DERA: variants seen among roughly 807,000 people sequenced by gnomAD.
The protein encoded by DERA is 2-deoxy-D-ribose 5-phosphate aldolase.
Under a neutral mutation model 41.1 loss-of-function variants are expected in DERA, and 15 were observed. That is an observed-to-expected ratio of 0.37 (90% confidence interval 0.24 to 0.56). The LOEUF is 0.56. Ranked by LOEUF, DERA falls within the 20% of genes least tolerant of loss-of-function variation. The pLI, the probability that DERA is intolerant of heterozygous loss-of-function variation, is 0.81. For missense variants in DERA, 396 were observed against 403.4 expected (o/e 0.98, Z 0.16); for synonymous variants, 139 against 137.4 (o/e 1.01, Z -0.08).
At chr12:16,005,611 T>C (rs1484076519) in intron 6 of DERA, among the ~76,000 whole-genome samples, 1 of 152,196 alleles carries the variant, frequency 6.6e-6, no homozygotes, top group East Asian at 1.9e-4. Flanking sequence ...CATGCAAGTT[T>C]GGGGAATGCT....
chr12:15,939,749 C>G (rs1344508728), intron 1 of DERA, among the ~76,000 whole-genome samples: 1 of 151,954 alleles, frequency 6.6e-6, no homozygotes, highest in African/African-American at 2.4e-5. Context: ...TGGCTCTTAA[C>G]TCTTCAAAGA....
At chr12:16,007,176 TTTTTTTTTTTTTG>T (rs1435248114) in intron 6 of DERA, among the ~76,000 whole-genome samples, 3 of 133,064 alleles carry the variant, frequency 2.3e-5, no homozygotes, top group Non-Finnish European at 4.7e-5. Context: ...GGTTTTTTTG[TTTTTTTTTTTTTG>T]TTTTTTTTTT....
intron 1 of DERA, among the ~76,000 whole-genome samples, chr12:15,929,533 CAT>C (rs893114960): frequency 4.6e-5 from 7 of 152,182 alleles, no homozygotes; most frequent in East Asian, 1.9e-4. Context: ...TATTTTAGCA[CAT>C]GTTAGATGCC....
At chr12:16,025,564 A>G (rs937650132) in intron 6 of DERA, among the ~76,000 whole-genome samples, 3 of 152,122 alleles carry the variant, frequency 2.0e-5, no homozygotes, top group African/African-American at 7.2e-5. Flanking sequence ...CAAAAATTTT[A>G]TAGAACTGAA....
intron 1 of DERA, among the ~76,000 whole-genome samples, chr12:15,947,883 A>G (rs1042290820): frequency 3.4e-4 from 51 of 152,036 alleles, no homozygotes; most frequent in African/African-American, 1.2e-3. Flanking sequence ...TTCCTTCAGG[A>G]GCTCTTTTAG....
intron 1 of DERA, among the ~76,000 whole-genome samples, chr12:15,912,786 T>TA (rs1277081795): frequency 2.0e-5 from 3 of 152,240 alleles, no homozygotes; most frequent in African/African-American, 7.2e-5. Flanking sequence ...GACTGGTACT[T>TA]AAACAGTCTG....
At position 15,913,477 on chromosome 12, in the gene DERA, T is replaced by G. The variant is rs1948178376; in HGVS notation, c.31+2063T>G. On this transcript the variant is annotated intron_variant, in intron 1 of 8. Coordinates refer to ENST00000428559, the MANE Select transcript of DERA (RefSeq NM_015954.4). The surrounding 1 kb of genome is among the most constrained non-coding windows in gnomAD (Gnocchi z 4.5). ...TAAAATAGTTTTCTAATTGAAAGTC[T>G]TTTTAATAAACATCGTAACTAATTT... Among the ~76,000 whole-genome samples the G allele has an allele frequency of 1.3e-5, 2 of 152,356 alleles. No homozygotes were observed. Among genetic ancestry groups the G allele is most frequent in the Non-Finnish European group, 2.9e-5 (2 of 68,018 alleles).
rs1221165643 is a variant in DERA, at chr12:15,993,905, G to A, written c.637+11469G>A. ...TTTGGTACATGCATATCCTTTTAAA[G>A]AAAAGGTTGAGTATATGACAGACAT... On this transcript the variant is annotated intron_variant, in intron 6 of 8. Transcript: ENST00000428559. This position sits in a 1 kb window ranked among gnomAD's most constrained non-coding sequence, Gnocchi z 4.4. Among the ~76,000 whole-genome samples the A allele has an allele frequency of 1.3e-5, 2 of 152,192 alleles. No homozygotes were observed. The highest frequency in any genetic ancestry group is 2.9e-5 in the Non-Finnish European group (2 of 68,036).
In DERA at chr12:16,035,334, T is replaced by A. The variant is rs1484545694; in HGVS notation, c.751-898T>A. 6.6e-6 allele frequency among the ~76,000 whole-genome samples: 1 copy of A among 152,160 alleles called. No individual in the cohort carries two copies. The highest frequency in any genetic ancestry group is 1.5e-5 in the Non-Finnish European group (1 of 68,030). On this transcript the variant is annotated intron_variant, in intron 7 of 8. Coordinates refer to ENST00000428559, the MANE Select transcript of DERA (RefSeq NM_015954.4). This position sits in a 1 kb window ranked among gnomAD's most constrained non-coding sequence, Gnocchi z 4.1. ...AGCAGTCATCTGCTGGTGCAACCAG[T>A]CATAGCCCTGAGTGATAAAACGTGA...
rs1235345108 is a variant in DERA at position 16,008,900 on chromosome 12, A to G, written c.638-23642A>G. 2.0e-5 allele frequency among the ~76,000 whole-genome samples: 3 copies of G among 152,196 alleles called. No homozygotes were observed. Among genetic ancestry groups the G allele is most frequent in the Non-Finnish European group, 2.9e-5 (2 of 68,030 alleles). On this transcript the variant is annotated intron_variant, in intron 6 of 8. Coordinates refer to ENST00000428559, the MANE Select transcript of DERA (RefSeq NM_015954.4). This position sits in a 1 kb window ranked among gnomAD's most constrained non-coding sequence, Gnocchi z 4.8. ...AAGGACGTAGAGAACTACAAACTTG[A>G]TAAGGTAGAAACTGCAAAACAATAG...
At position 15,922,411 on chromosome 12, in the gene DERA, G is replaced by C. The variant is rs911371597; in HGVS notation, c.31+10997G>C. 6.6e-6 allele frequency among the ~76,000 whole-genome samples: 1 copy of C among 152,088 alleles called. No individual in the cohort carries two copies. The highest frequency in any genetic ancestry group is 2.4e-5 in the African/African-American group (1 of 41,416). ...ATTTCCATAGATCTGTCTCCAGCAA[G>C]AAAAAAATCATAATTTCAGTCTGCA... On this transcript the variant is annotated intron_variant, in intron 1 of 8. Coordinates refer to ENST00000428559, the MANE Select transcript of DERA (RefSeq NM_015954.4). The surrounding 1 kb of genome is among the most constrained non-coding windows in gnomAD (Gnocchi z 4.9).
At chr12:15,920,019 A>G (rs1403416563) in intron 1 of DERA, among the ~76,000 whole-genome samples, 2 of 148,810 alleles carry the variant, frequency 1.3e-5, no homozygotes, top group African/African-American at 2.6e-5. Context: ...AGAGAAAGAG[A>G]GAGAGAGGGA....
chr12:15,912,062 CAG>C (rs1948168166), intron 1 of DERA, among the ~76,000 whole-genome samples: 1 of 149,198 alleles, frequency 6.7e-6, no homozygotes, highest in Non-Finnish European at 1.5e-5. Flanking sequence ...GTGTTTCTCG[CAG>C]AGGGGGATTT....
chr12:16,034,331 A>G (rs188263280), intron 7 of DERA, among the ~76,000 whole-genome samples: 3 of 152,218 alleles, frequency 2.0e-5, no homozygotes, highest in African/African-American at 7.2e-5. Context: ...GACAACAAGC[A>G]AAGAATGTCA....
At position 16,010,780 on chromosome 12, in the gene DERA, G is replaced by A. The variant is rs954597618; in HGVS notation, c.638-21762G>A. Among the ~76,000 whole-genome samples the A allele has an allele frequency of 1.3e-5, 2 of 151,866 alleles. No homozygotes were observed. Among genetic ancestry groups the A allele is most frequent in the African/African-American group, 2.4e-5 (1 of 41,332 alleles). ...GGATCTGCTAATGGGAAGCACATAC[G>A]TCTCCAGGTACAGTGAAATAATCAC... On this transcript the variant is annotated intron_variant, in intron 6 of 8. Transcript: ENST00000428559. This position sits in a 1 kb window ranked among gnomAD's most constrained non-coding sequence, Gnocchi z 5.5.
At chr12:15,971,675 C>T (rs1365094767) in intron 5 of DERA, among the ~76,000 whole-genome samples, 1 of 152,066 alleles carries the variant, frequency 6.6e-6, no homozygotes, top group Non-Finnish European at 1.5e-5. Flanking sequence ...CACCACCATG[C>T]CCAGCTAATT....
chr12:15,933,208 T>C (rs1294155857), intron 1 of DERA, among the ~76,000 whole-genome samples: 1 of 152,188 alleles, frequency 6.6e-6, no homozygotes, highest in African/African-American at 2.4e-5. Context: ...CCGGATCATA[T>C]GGTAGTTCTG....
In DERA at chr12:16,035,084, C is replaced by T. The variant is rs1031888737; in HGVS notation, c.751-1148C>T. On this transcript the variant is annotated intron_variant, in intron 7 of 8. Transcript: ENST00000428559. This position sits in a 1 kb window ranked among gnomAD's most constrained non-coding sequence, Gnocchi z 4.1. Reference sequence around the variant, plus strand: ...GTTAAAAGACTTTTACTGATATTTCCTGTGAGAATTGATAAGGGTCTAAAC... The same window carrying T: ...GTTAAAAGACTTTTACTGATATTTCTTGTGAGAATTGATAAGGGTCTAAAC... Among the ~76,000 whole-genome samples the T allele has an allele frequency of 2.6e-5, 4 of 152,112 alleles. No homozygotes were observed. Among genetic ancestry groups the T allele is most frequent in the African/African-American group, 9.7e-5 (4 of 41,412 alleles).
chr12:15,971,404 A>G (rs1028883193), intron 5 of DERA, among the ~76,000 whole-genome samples: 1 of 152,138 alleles, frequency 6.6e-6, no homozygotes, highest in South Asian at 2.1e-4. Flanking sequence ...CAAAGAGAGC[A>G]TCTGAAGGTC....
Sources: gnomAD v4.1 joint callset for allele counts (sites outside exome capture counted in the v4.1 genomes callset) on GRCh38, gnomAD v4.1.1 for gene constraint, Gnocchi (gnomAD v3.1) non-coding constraint, MANE v1.5 for transcripts, NCBI Gene and HGNC (gene_info 2026-07-23, HGNC 2026-07-21) for gene names.